The following COLEC12 variants were observed in gnomAD, a reference collection of about 807,000 sequenced individuals.
COLEC12 encodes the protein collectin subfamily member 12, also known as collectin-12.
A neutral mutation model predicts 71.1 loss-of-function variants in COLEC12; 33 were observed. That is an observed-to-expected ratio of 0.46 (90% CI 0.35 to 0.62). The LOEUF (loss-of-function observed/expected upper bound fraction) is 0.62. Ranked by LOEUF, COLEC12 falls within the 20% of genes least tolerant of loss-of-function variation. The pLI, the probability that COLEC12 is intolerant of heterozygous loss-of-function variation, is 0.00. For missense variants in COLEC12, 765 were observed against 916.1 expected, an observed-to-expected ratio of 0.84 and a Z score of 2.13; for synonymous variants, 350 against 353.0, an observed-to-expected ratio of 0.99 and a Z score of 0.10.
At chr18:448,655 A>T (rs1285251420) in intron 2 of COLEC12, among the ~76,000 whole-genome samples, 1 of 152,220 alleles carries the variant, frequency 6.6e-6, no homozygotes, top group African/African-American at 2.4e-5. Context: ...TAAAATGAGA[A>T]GTCTGTGAGG....
chr18:464,166 C>T (rs1461691448), intron 2 of COLEC12, among the ~76,000 whole-genome samples: 5 of 152,194 alleles, frequency 3.3e-5, no homozygotes, highest in African/African-American at 9.7e-5. Context: ...CAAACCTCCA[C>T]GGATACACTA....
At chr18:339,140 G>C (rs549766012) in intron 5 of COLEC12, among the ~76,000 whole-genome samples, 1 of 152,094 alleles carries the variant, frequency 6.6e-6, no homozygotes, top group Non-Finnish European at 1.5e-5. Flanking sequence ...GACTGCTGGT[G>C]GGGGGAGCTG....
At chr18:355,605 T>C (rs1474647401) in intron 3 of COLEC12, among the ~76,000 whole-genome samples, 2 of 152,200 alleles carry the variant, frequency 1.3e-5, no homozygotes, top group South Asian at 2.1e-4. Context: ...AATTACAACA[T>C]GTTATATATT....
chr18:484,693 G>GA (rs1207407518), intron 1 of COLEC12, among the ~76,000 whole-genome samples: 2 of 151,676 alleles, frequency 1.3e-5, no homozygotes, highest in African/African-American at 2.4e-5. Flanking sequence ...GCAAAGAGAA[G>GA]AAAAAAAATG....
chr18:450,091 T>C (rs1292326219), intron 2 of COLEC12, among the ~76,000 whole-genome samples: 2 of 152,198 alleles, frequency 1.3e-5, no homozygotes, highest in African/African-American at 2.4e-5. Context: ...TAGTGGACAT[T>C]TAAGTTACAT....
intron 2 of COLEC12, among the ~76,000 whole-genome samples, chr18:441,202 T>A (rs375041212): frequency 9.4e-5 from 14 of 149,330 alleles, no homozygotes; most frequent in African/African-American, 3.4e-4. Flanking sequence ...GAGCCGAGAT[T>A]GTGCCACTGC....
At position 500,244 on chromosome 18, in the gene COLEC12, G is replaced by A. The variant is rs567074627; in HGVS notation, c.7+264C>T. On this transcript the variant is annotated intron_variant, in intron 1 of 9. Coordinates refer to ENST00000400256, the MANE Select transcript of COLEC12 (RefSeq NM_130386.3). The surrounding 1 kb of genome is among the most constrained non-coding windows in gnomAD (Gnocchi z 5.3). ...CGGGAATCCGTAAACAACGACTTAG[G>A]GCTTCAAACTACTTGCAAAGACGCG... is the stretch of plus-strand genomic sequence containing the variant. 1.3e-5 allele frequency among the ~76,000 whole-genome samples: 2 copies of A among 152,282 alleles called. No individual in the cohort carries two copies. The highest frequency in any genetic ancestry group is 3.9e-4 in the East Asian group (2 of 5,156).
intron 2 of COLEC12, among the ~76,000 whole-genome samples, chr18:389,577 C>T (rs1331000072): frequency 6.7e-6 from 1 of 149,422 alleles, no homozygotes. Context: ...CCGAGCCCAG[C>T]CCACTGTGCA....
chr18:358,124 CT>C (rs200602932), intron 2 of COLEC12, among the ~76,000 whole-genome samples: 1,836 of 152,294 alleles, frequency 0.012, 39 homozygotes, highest in African/African-American at 0.042. Flanking sequence ...CTCCCGCCCC[CT>C]GTCCATCCAT....
At chr18:485,871 C>T (rs1917509927) in intron 1 of COLEC12, among the ~76,000 whole-genome samples, 1 of 152,218 alleles carries the variant, frequency 6.6e-6, no homozygotes, top group South Asian at 2.1e-4. Flanking sequence ...CTCTATCTGC[C>T]TTATATCCAG....
At chr18:348,796 T>C (rs1175009091) in intron 3 of COLEC12, among the ~76,000 whole-genome samples, 1 of 152,234 alleles carries the variant, frequency 6.6e-6, no homozygotes, top group African/African-American at 2.4e-5. Flanking sequence ...TTCCAAACAA[T>C]GATTTGCCAA....
intron 8 of COLEC12, 92 bp from the exon 9 acceptor site, chr18:321,899 TG>T: frequency 8.2e-7 from 1 of 1,216,820 alleles, no homozygotes; most frequent in Non-Finnish European, 1.2e-6. Context: ...AAAACAAAAT[TG>T]AAGCATGTCA....
intron 5 of COLEC12, among the ~76,000 whole-genome samples, chr18:339,519 T>A (rs1977930): frequency 7.7e-4 from 117 of 152,282 alleles, no homozygotes; most frequent in African/African-American, 2.6e-3. Context: ...CAGTTCTACT[T>A]GTGATTGACT....
At chr18:380,947 C>T (rs1915218873) in intron 2 of COLEC12, among the ~76,000 whole-genome samples, 1 of 152,122 alleles carries the variant, frequency 6.6e-6, no homozygotes, top group South Asian at 2.1e-4. Context: ...AGGCAACCGG[C>T]CCCTGATGAG....
At chr18:404,289 T>G (rs1005243871) in intron 2 of COLEC12, among the ~76,000 whole-genome samples, 1 of 152,244 alleles carries the variant, frequency 6.6e-6, no homozygotes, top group Non-Finnish European at 1.5e-5. Flanking sequence ...AAGAGTATCA[T>G]TCCTCTGCCT....
chr18:406,334 C>T (rs1320166573), intron 2 of COLEC12, among the ~76,000 whole-genome samples: 1 of 151,768 alleles, frequency 6.6e-6, no homozygotes, highest in African/African-American at 2.4e-5. Flanking sequence ...AAGGTGAAAC[C>T]CCGTCTCTAC....
chr18:354,541 TG>T (rs1189197206), intron 3 of COLEC12, among the ~76,000 whole-genome samples: 2 of 152,230 alleles, frequency 1.3e-5, no homozygotes, highest in Non-Finnish European at 2.9e-5. Context: ...TTCTTTCTTT[TG>T]TAACGGAGAG....
chr18:485,966 G>T (rs1159232829), intron 1 of COLEC12, among the ~76,000 whole-genome samples: 1 of 152,212 alleles, frequency 6.6e-6, no homozygotes, highest in Non-Finnish European at 1.5e-5. Flanking sequence ...ACACATTTAT[G>T]ATGCATGATA....
At chr18:396,973 T>C (rs970603677) in intron 2 of COLEC12, among the ~76,000 whole-genome samples, 13 of 152,238 alleles carry the variant, frequency 8.5e-5, no homozygotes, top group African/African-American at 3.1e-4. Flanking sequence ...GTCCCACGAA[T>C]GCATCTCCTA....
Sources: gnomAD v4.1 joint callset for allele counts (sites outside exome capture counted in the v4.1 genomes callset) on GRCh38, gnomAD v4.1.1 for gene constraint, Gnocchi (gnomAD v3.1) non-coding constraint, MANE v1.5 for transcripts, NCBI Gene and HGNC (gene_info 2026-07-23, HGNC 2026-07-21) for gene names.